TUBB6: variants seen among roughly 807,000 people sequenced by gnomAD.
TUBB6 encodes tubulin beta-6 chain.
In TUBB6, 18 loss-of-function variants were observed where a neutral mutation model predicts 32.3. The ratio of observed to expected loss-of-function variants is 0.56; its 90% CI spans 0.39 to 0.83. TUBB6 has a LOEUF of 0.83. TUBB6 is among the 40% of genes least tolerant of loss of function. TUBB6 has a pLI of 0.00. For missense variants in TUBB6, 480 were observed against 632.0 expected (o/e 0.76, Z 2.58); for synonymous variants, 280 against 265.8 (o/e 1.05, Z -0.52).
intron 3 of TUBB6, among the ~76,000 whole-genome samples, chr18:12,321,029 G>C: frequency 6.6e-6 from 1 of 152,150 alleles, no homozygotes; most frequent in Admixed American, 6.6e-5. Context: ...GAATCTCCTT[G>C]TTTTAATTTG....
chr18:12,309,414 C>T (rs1341686707), intron 2 of TUBB6, among the ~76,000 whole-genome samples: 1 of 73,980 alleles, frequency 1.4e-5, no homozygotes, highest in African/African-American at 5.2e-5. Flanking sequence ...CCCCCCCCCC[C>T]AGTTTAAAAC....
downstream of TUBB6, among the ~76,000 whole-genome samples, chr18:12,328,176 G>T (rs1907398989): frequency 6.6e-6 from 1 of 152,250 alleles, no homozygotes; most frequent in Non-Finnish European, 1.5e-5. Context: ...ATCTCAGGCT[G>T]CTGGGAAGTA....
chr18:12,311,817 G>A (rs1327776838), intron 3 of TUBB6, among the ~76,000 whole-genome samples: 3 of 152,016 alleles, frequency 2.0e-5, no homozygotes, highest in African/African-American at 7.3e-5. Flanking sequence ...AAAATTACAT[G>A]AAGTGGTACC....
Position 12,326,064 on chromosome 18 carries a change from C to T in TUBB6, c.1275C>T (p.Tyr425=). Residue 425 remains tyrosine (Y), a synonymous_variant, in exon 4 of 4, where the codon TAC becomes TAT. Coordinates refer to ENST00000317702, the MANE Select transcript of TUBB6 (RefSeq NM_032525.3). The stretch of plus-strand genomic sequence containing the variant: ...ACCTGGTATCCGAGTACCAGCAGTA[C>T]CAGGATGCCACCGCCAATGACGGGG... ...MNDLVSEYQQ[Y]QDATANDGEE... 6.2e-7 allele frequency: 1 copy of T among 1,614,086 alleles called. No individual in the cohort carries two copies. Among genetic ancestry groups the T allele is most frequent in the Non-Finnish European group, 8.5e-7 (1 of 1,180,026 alleles).
rs771402413 is a variant in TUBB6, at chr18:12,325,116, C to T, written c.327C>T (p.Gly109=). The T allele has an allele frequency of 3.1e-6, 5 of 1,599,586 alleles. No individual in the cohort carries two copies. The highest frequency in any genetic ancestry group is 2.7e-5 in the African/African-American group (2 of 74,820). ...GGGCGAAAGGGCACTACACGGAGGG[C>T]GCGGAGCTGGTGGACGCAGTGCTGG... ...NNWAKGHYTE[G]AELVDAVLDV... Residue 109 remains glycine, a synonymous_variant, in exon 4 of 4, where the codon GGC becomes GGT. Coordinates refer to ENST00000317702, the MANE Select transcript of TUBB6 (RefSeq NM_032525.3).
rs1907234039 is a variant in TUBB6 at position 12,325,389 on chromosome 18, C to T, written c.600C>T (p.Tyr200=). 2 of 1,614,236 alleles carry T rather than the reference C, an allele frequency of 1.2e-6. No individual in the cohort carries two copies. The highest frequency in any genetic ancestry group is 1.6e-4 in the Middle Eastern group (1 of 6,062). The change falls in exon 4 of 4, where the codon TAC becomes TAT. Residue 200 remains tyrosine (Y), a synonymous_variant. Transcript: ENST00000317702. ...HQLVENTDET[Y]CIDNEALYDI... ...TGGTGGAGAATACAGACGAGACCTA[C>T]TGCATCGACAACGAGGCGCTCTATG...
chr18:12,324,648 C>G (rs900162509), intron 3 of TUBB6, among the ~76,000 whole-genome samples: 2 of 151,874 alleles, frequency 1.3e-5, no homozygotes, highest in Non-Finnish European at 2.9e-5. Context: ...ATGGGGTTTC[C>G]TCATGTTGCC....
At chr18:12,308,234 G>C (rs1598796194), upstream of TUBB6, 2 of 1,281,762 alleles carry the variant, frequency 1.6e-6, no homozygotes, top group Non-Finnish European at 1.0e-6. Flanking sequence ...GCGCGCAGCC[G>C]GCCCGCAGTT....
Position 12,326,120 on chromosome 18 carries a change from T to C in TUBB6, c.1331T>C (p.Ile444Thr). ...GCTTTTGAGGATGAGGAAGAGGAGA[T>C]CGATGGATAGTCGGAATAGAGCCGC... Reference protein sequence around the residue: ...EEAFEDEEEEIDG With the variant: ...EEAFEDEEEETDG The change falls in exon 4 of 4, where the codon ATC becomes ACC. Residue 444 changes from isoleucine to threonine, a missense_variant. Physicochemically the swap from Ile to Thr is moderately conservative, Grantham distance 89. Coordinates refer to ENST00000317702, the MANE Select transcript of TUBB6 (RefSeq NM_032525.3). 6.2e-7 allele frequency: 1 copy of C among 1,612,104 alleles called. No homozygotes were observed. The highest frequency in any genetic ancestry group is 8.5e-7 in the Non-Finnish European group (1 of 1,178,880).
At chr18:12,320,553 C>T (rs1056464841) in intron 3 of TUBB6, 2 of 152,164 alleles carry the variant, frequency 1.3e-5, no homozygotes, top group Admixed American at 1.3e-4. Flanking sequence ...CAGGCAGACG[C>T]ATATATTTAC....
intron 2 of TUBB6, 63 bp from the exon 3 acceptor site, chr18:12,310,880 G>T: frequency 1.7e-6 from 2 of 1,175,528 alleles, no homozygotes; most frequent in East Asian, 2.5e-5. Context: ...GACTTGAAAC[G>T]GGGAAGTCAA....
In TUBB6 at chr18:12,316,829, A is replaced by G. The variant is rs573172077; in HGVS notation, c.277+5776A>G. On this transcript the variant is annotated intron_variant, in intron 3 of 3. Transcript: ENST00000317702. ...TAAACCAGTGTCATTCCATTTCCAA[A>G]TAGAGTTTGAAATGATTTAGGAAAC... is the stretch of plus-strand genomic sequence containing the variant. Among the ~76,000 whole-genome samples, 5 of 152,318 alleles carry G rather than the reference A, an allele frequency of 3.3e-5. No homozygotes were observed. In the South Asian group the frequency reaches 1.0e-3, roughly 32 times the overall value.
intron 3 of TUBB6, among the ~76,000 whole-genome samples, chr18:12,318,559 C>A (rs1283559435): frequency 6.6e-6 from 1 of 151,922 alleles, no homozygotes; most frequent in East Asian, 1.9e-4. Flanking sequence ...GCCTGCCATG[C>A]CAGTGACACT....
intron 3 of TUBB6, 125 bp downstream of exon 3, chr18:12,311,178 C>A: frequency 1.3e-6 from 1 of 788,666 alleles, no homozygotes; most frequent in Non-Finnish European, 2.0e-6. Context: ...GGTTCCCAGC[C>A]CCACCCCTCC....
At chr18:12,327,090 C>T (rs1259551836), downstream of TUBB6, among the ~76,000 whole-genome samples, 2 of 152,212 alleles carry the variant, frequency 1.3e-5, no homozygotes, top group African/African-American at 4.8e-5. Flanking sequence ...TCACTGTTGA[C>T]AATATTTTTG....
In TUBB6 at chr18:12,325,210, G is replaced by A. The variant is rs1362170014; in HGVS notation, c.421G>A (p.Gly141Ser). 6.8e-6 allele frequency: 11 copies of A among 1,614,012 alleles called. No homozygotes were observed. Among genetic ancestry groups the A allele is most frequent in the African/African-American group, 5.3e-5 (4 of 74,938 alleles). ...QGFQLTHSLG[G>S]GTGSGMGTLL... is the part of the protein sequence containing the mutation. ...CTTCCAGCTCACGCACTCGCTGGGC[G>A]GCGGCACGGGCTCAGGCATGGGCAC... Residue 141 changes from glycine (G) to serine (S), a missense_variant, in exon 4 of 4, where the codon GGC becomes AGC. By Grantham distance (56) the Gly-to-Ser change is moderately conservative. Transcript: ENST00000317702.
Position 12,308,356 on chromosome 18 carries a change from C to CT in TUBB6, c.57+8dup, listed in dbSNP as rs1217088733. Reference sequence around the variant, plus strand: ...GAACCAGATCGGCACCAAGGTGGGCCTGGCGCGGTGCAGGGCCTCTCCGCG... The same window carrying CT: ...GAACCAGATCGGCACCAAGGTGGGCCTTGGCGCGGTGCAGGGCCTCTCCGCG... On this transcript the variant is annotated splice_region_variant and intron_variant, in intron 1 of 3. Coordinates refer to ENST00000317702, the MANE Select transcript of TUBB6 (RefSeq NM_032525.3). 6.8e-7 allele frequency: 1 copy of CT among 1,467,988 alleles called. No individual in the cohort carries two copies. The highest frequency in any genetic ancestry group is 9.0e-7 in the Non-Finnish European group (1 of 1,105,220). 90.9% of individuals were successfully genotyped at this position (1,467,988 alleles called of 1,614,324 possible). A position where few individuals can be genotyped will look rare whatever the true frequency, so the allele number is the denominator to read the frequency against.
chr18:12,308,166 C>A, upstream of TUBB6: 1 of 509,592 alleles, frequency 2.0e-6, no homozygotes, highest in Non-Finnish European at 2.6e-6. Context: ...GGGCGGGGCC[C>A]GCAGCCATTG....
intron 3 of TUBB6, among the ~76,000 whole-genome samples, chr18:12,316,792 G>A (rs980264471): frequency 1.3e-5 from 2 of 152,132 alleles, no homozygotes; most frequent in African/African-American, 4.8e-5. Context: ...AGTTAGAGTT[G>A]GTAAATTACA....
Sources: gnomAD v4.1 joint callset for allele counts (sites outside exome capture counted in the v4.1 genomes callset) on GRCh38, gnomAD v4.1.1 for gene constraint, MANE v1.5 for transcripts, NCBI Gene and HGNC (gene_info 2026-07-23, HGNC 2026-07-21) for gene names.